CPEB1: variants seen among roughly 807,000 people sequenced by gnomAD.
The protein encoded by CPEB1 is cytoplasmic polyadenylation element-binding protein 1.
In CPEB1, 7 loss-of-function variants were observed where a neutral mutation model predicts 65.8. That is an observed-to-expected ratio of 0.11 (90% CI 0.06 to 0.20). The LOEUF (loss-of-function observed/expected upper bound fraction) is 0.20. Among genes scored for constraint, CPEB1 ranks in the 10% least tolerant of loss-of-function variants. The pLI is 1.00. For synonymous variants in CPEB1, 262 were observed against 260.0 expected (o/e 1.01, Z -0.08); for missense variants, 551 against 712.2 (o/e 0.77, Z 2.58).
chr15:82,553,767 AC>A (rs2036700877), intron 7 of CPEB1, 110 bp downstream of exon 7: 1 of 824,986 alleles, frequency 1.2e-6, no homozygotes, highest in Non-Finnish European at 2.1e-6. Context: ...CTCATGTAAT[AC>A]CCTGAGCTCA....
At chr15:82,580,562 T>C (rs2041180072) in intron 3 of CPEB1, among the ~76,000 whole-genome samples, 1 of 152,172 alleles carries the variant, frequency 6.6e-6, no homozygotes, top group Non-Finnish European at 1.5e-5. Context: ...TTTTTGAGCA[T>C]ACAATTCAGA....
intron 3 of CPEB1, among the ~76,000 whole-genome samples, chr15:82,613,343 A>C (rs1214437014): frequency 6.6e-6 from 1 of 152,228 alleles, no homozygotes; most frequent in Non-Finnish European, 1.5e-5. Context: ...GATATAATTT[A>C]ATAACATTCA....
intron 3 of CPEB1, among the ~76,000 whole-genome samples, chr15:82,580,894 C>G (rs2041222647): frequency 6.6e-6 from 1 of 151,638 alleles, no homozygotes; most frequent in East Asian, 1.9e-4. Flanking sequence ...TTCTGTCACC[C>G]AGGTTGGGAT....
intron 3 of CPEB1, among the ~76,000 whole-genome samples, chr15:82,610,817 G>C (rs1196838368): frequency 6.6e-6 from 1 of 151,242 alleles, no homozygotes; most frequent in Non-Finnish European, 1.5e-5. Context: ...AATTAGCCTG[G>C]CATGGTGGCG....
At chr15:82,645,642 G>T (rs1253187396) in intron 1 of CPEB1, among the ~76,000 whole-genome samples, 1 of 152,008 alleles carries the variant, frequency 6.6e-6, no homozygotes, top group African/African-American at 2.4e-5. Flanking sequence ...GGCCGAGGTG[G>T]GCGGATCACG....
chr15:82,583,530 G>T (rs1314462420), intron 3 of CPEB1: 1 of 152,098 alleles, frequency 6.6e-6, no homozygotes, highest in Non-Finnish European at 1.5e-5. Context: ...GGGTAAATTG[G>T]TACAACATTC....
chr15:82,589,318 C>T (rs2042036841), intron 3 of CPEB1, among the ~76,000 whole-genome samples: 2 of 152,240 alleles, frequency 1.3e-5, no homozygotes, highest in Non-Finnish European at 2.9e-5. Flanking sequence ...ATTCAGTCTT[C>T]AGCTTAAATG....
chr15:82,608,047 T>C (rs2151226563), intron 3 of CPEB1, among the ~76,000 whole-genome samples: 1 of 152,162 alleles, frequency 6.6e-6, no homozygotes, highest in Admixed American at 6.5e-5. Flanking sequence ...TTCTTGTTTG[T>C]ACAGAGCCTC....
chr15:82,635,309 G>C (rs2046570196), intron 1 of CPEB1, among the ~76,000 whole-genome samples: 1 of 152,218 alleles, frequency 6.6e-6, no homozygotes, highest in South Asian at 2.1e-4. Flanking sequence ...AAATGCTACA[G>C]ATTCCCATGA....
At chr15:82,550,924 G>GA (rs35119068) in intron 9 of CPEB1, among the ~76,000 whole-genome samples, 112,992 of 151,896 alleles carry the variant, frequency 0.74, 43,161 homozygotes, top group African/African-American at 0.92. Flanking sequence ...GTAAGGTGAT[G>GA]GGAGGGAATG....
At chr15:82,622,706 T>C (rs1470517381) in intron 3 of CPEB1, among the ~76,000 whole-genome samples, 2 of 152,148 alleles carry the variant, frequency 1.3e-5, no homozygotes, top group African/African-American at 4.8e-5. Flanking sequence ...ACATCTCTTC[T>C]TCATTAATTT....
chr15:82,612,182 T>C (rs371709671), intron 3 of CPEB1, among the ~76,000 whole-genome samples: 12 of 151,902 alleles, frequency 7.9e-5, no homozygotes, highest in Admixed American at 2.0e-4. Flanking sequence ...AAAACACAAC[T>C]TAGCAAAACT....
chr15:82,571,222 G>C, intron 4 of CPEB1, 122 bp downstream of exon 4: 2 of 1,283,422 alleles, frequency 1.6e-6, no homozygotes, highest in Non-Finnish European at 2.1e-6. Flanking sequence ...ACAGCTCCAT[G>C]TTGTATGTGT....
intron 3 of CPEB1, among the ~76,000 whole-genome samples, chr15:82,599,574 A>G (rs1398455813): frequency 1.3e-5 from 2 of 152,232 alleles, no homozygotes; most frequent in African/African-American, 4.8e-5. Context: ...CCCCACCTCA[A>G]AAAAGCAAAA....
intron 4 of CPEB1, among the ~76,000 whole-genome samples, chr15:82,570,434 A>ACCTC (rs2039846992): frequency 6.9e-6 from 1 of 144,944 alleles, no homozygotes; most frequent in Admixed American, 7.3e-5. Context: ...TGCTGCCAAT[A>ACCTC]CCTCTTTATT....
Position 82,555,993 on chromosome 15 carries a change from A to G in CPEB1, c.817T>C (p.Ser273Pro). 1.9e-6 allele frequency: 3 copies of G among 1,613,628 alleles called. No homozygotes were observed. Among genetic ancestry groups the G allele is most frequent in the Non-Finnish European group, 2.5e-6 (3 of 1,179,834 alleles). Reference protein sequence around the residue: ...EQAALAAVTPSPTSASKRWPG... With the variant: ...EQAALAAVTPPPTSASKRWPG... ...CATCTCTTTGAAGCACTGGTTGGGG[A>G]GGGAGTGACTGCAGCAAGAGCAGCT... Residue 273 changes from serine to proline, a missense_variant, in exon 6 of 13, where the codon TCC becomes CCC. Ser to Pro is a moderately conservative substitution (Grantham distance 74). Around this residue, in one of 6 missense-constraint regions of CPEB1, gnomAD observed 128 missense variants for 129.1 expected, o/e 0.99. Coordinates refer to ENST00000684509, the MANE Select transcript of CPEB1 (RefSeq NM_001365242.1).
chr15:82,574,722 C>CAAAAAAAAAAAAAAAA lies in CPEB1; in HGVS notation c.272-3206_272-3191dup, dbSNP rs534968367. Among the ~76,000 whole-genome samples, 34 of 53,504 alleles carry CAAAAAAAAAAAAAAAA rather than the reference C, an allele frequency of 6.4e-4. 3 individuals carry two copies. The highest frequency in any genetic ancestry group is 1.0e-3 in the African/African-American group (14 of 13,704). The allele number at this position is 53,504 out of a possible 152,430, so 35.1% of individuals were successfully genotyped here. A position where few individuals can be genotyped will look rare whatever the true frequency, so the allele number is the denominator to read the frequency against. On this transcript the variant is annotated intron_variant, in intron 3 of 12. Coordinates refer to ENST00000684509, the MANE Select transcript of CPEB1 (RefSeq NM_001365242.1). ...TGGGCAACAGAGCTAGACTCGGTCT[C>CAAAAAAAAAAAAAAAA]AAAAAAAAAAAAAAAAAAAAAAAAA...
At chr15:82,591,293 G>C (rs531346929) in intron 3 of CPEB1, among the ~76,000 whole-genome samples, 6 of 152,252 alleles carry the variant, frequency 3.9e-5, no homozygotes, top group Non-Finnish European at 5.9e-5. Context: ...ACGAAGTCTT[G>C]CTCTGTCACC....
chr15:82,605,817 T>C (rs2043532208), intron 3 of CPEB1, among the ~76,000 whole-genome samples: 1 of 152,000 alleles, frequency 6.6e-6, no homozygotes, highest in Non-Finnish European at 1.5e-5. Context: ...GGTGGGCGGA[T>C]CACCTGAGGT....
Sources: gnomAD v4.1 joint callset for allele counts (sites outside exome capture counted in the v4.1 genomes callset) on GRCh38, gnomAD v4.1.1 for gene constraint, gnomAD v4.1.1 regional missense constraint, MANE v1.5 for transcripts, NCBI Gene and HGNC (gene_info 2026-07-23, HGNC 2026-07-21) for gene names.